Variants in TCF4 observed in about 807,000 individuals in gnomAD.
TCF4 encodes SL3-3 enhancer factor 2.
TCF4 carries 3 observed loss-of-function variants against 82.1 expected under a neutral mutation model. That is an observed-to-expected ratio of 0.04 (90% confidence interval 0.02 to 0.09). The LOEUF (loss-of-function observed/expected upper bound fraction) is 0.09, where lower values mean the gene tolerates loss of function less well. Ranked by LOEUF, TCF4 falls within the 10% of genes least tolerant of loss-of-function variation. TCF4 has a pLI of 1.00. For missense variants in TCF4, 518 were observed against 852.7 expected, an observed-to-expected ratio of 0.61 and a Z score of 4.89; for synonymous variants, 276 against 309.6, an observed-to-expected ratio of 0.89 and a Z score of 1.14.
chr18:55,342,228 A>C (rs930496426), intron 8 of TCF4, among the ~76,000 whole-genome samples: 1 of 152,192 alleles, frequency 6.6e-6, no homozygotes, highest in African/African-American at 2.4e-5. Flanking sequence ...TAAAATAATT[A>C]CTGACTGCAG....
rs1377324957 is a variant in TCF4, at chr18:55,500,002, G to A, written c.146-35865C>T. 2.6e-5 allele frequency among the ~76,000 whole-genome samples: 4 copies of A among 152,232 alleles called. No individual in the cohort carries two copies. The East Asian group carries it at 7.7e-4, about 29-fold the overall frequency. ...GTTTGAGACCAGCCTGGCCAACATGGTGAAACCCCATCTCTACTAAAAATA... is the reference window on the plus strand; with the variant it reads ...GTTTGAGACCAGCCTGGCCAACATGATGAAACCCCATCTCTACTAAAAATA... On this transcript the variant is annotated intron_variant, in intron 3 of 19. Coordinates refer to ENST00000354452, the MANE Select transcript of TCF4 (RefSeq NM_001083962.2).
chr18:55,286,802 G>A (rs1043734222), intron 8 of TCF4, among the ~76,000 whole-genome samples: 3 of 152,224 alleles, frequency 2.0e-5, no homozygotes, highest in African/African-American at 4.8e-5. Context: ...CCTCCTTCAC[G>A]TCCAAGTGAT....
At chr18:55,572,362 T>C (rs2097481603) in intron 3 of TCF4, among the ~76,000 whole-genome samples, 1 of 152,174 alleles carries the variant, frequency 6.6e-6, no homozygotes, top group Admixed American at 6.5e-5. Flanking sequence ...GACTAACAAG[T>C]ATCCTGAGTT....
At chr18:55,351,226 C>T in intron 6 of TCF4, 1 of 522,056 alleles carries the variant, frequency 1.9e-6, no homozygotes, top group Non-Finnish European at 3.4e-6. Context: ...GTAGATGATT[C>T]CCTTTAAACA....
At position 55,635,383 on chromosome 18, in the gene TCF4, C is replaced by T. The variant is rs1367452514; in HGVS notation, c.195+320G>A. Among the ~76,000 whole-genome samples, 5 of 151,982 alleles carry T rather than the reference C, an allele frequency of 3.3e-5. No homozygotes were observed. In the South Asian group the frequency reaches 1.0e-3, roughly 32 times the overall value. ...AGTTAGCCGGGCATTGTGGTGCATGCCTGTAATCTCAGCTACTTGGGAGGC... is the reference window on the plus strand; with the variant it reads ...AGTTAGCCGGGCATTGTGGTGCATGTCTGTAATCTCAGCTACTTGGGAGGC... On this transcript the variant is annotated intron_variant, in intron 1 of 20. Transcript: ENST00000398339.
intron 8 of TCF4, among the ~76,000 whole-genome samples, chr18:55,334,324 TAA>T (rs1008839787): frequency 1.3e-5 from 2 of 152,148 alleles, no homozygotes; most frequent in African/African-American, 2.4e-5. Flanking sequence ...AAATAACATA[TAA>T]GTCTTGTATT....
chr18:55,487,564 A>ATT (rs1476442228), intron 3 of TCF4, among the ~76,000 whole-genome samples: 1 of 152,232 alleles, frequency 6.6e-6, no homozygotes, highest in Non-Finnish European at 1.5e-5. Context: ...ATAATCATCA[A>ATT]TAACTAAAAG....
At chr18:55,318,291 T>C (rs974355074) in intron 8 of TCF4, among the ~76,000 whole-genome samples, 7 of 152,196 alleles carry the variant, frequency 4.6e-5, no homozygotes, top group South Asian at 2.1e-4. Flanking sequence ...ACTACACTTA[T>C]TGGAGAGCAG....
intron 3 of TCF4, among the ~76,000 whole-genome samples, chr18:55,498,392 A>G (rs532262562): frequency 7.4e-4 from 113 of 152,312 alleles, no homozygotes; most frequent in African/African-American, 2.7e-3. Flanking sequence ...GGTTTCTGCC[A>G]TACCAGAGTA....
At chr18:55,532,750 T>C (rs1490469379) in intron 3 of TCF4, among the ~76,000 whole-genome samples, 1 of 152,172 alleles carries the variant, frequency 6.6e-6, no homozygotes, top group African/African-American at 2.4e-5. Flanking sequence ...CCTGTCCCTT[T>C]ACTCTTCGAA....
At chr18:55,541,981 G>A (rs1235842962) in intron 3 of TCF4, among the ~76,000 whole-genome samples, 3 of 151,872 alleles carry the variant, frequency 2.0e-5, no homozygotes, top group Admixed American at 6.6e-5. Flanking sequence ...GGAGAAACCC[G>A]GAATACATTT....
intron 2 of TCF4, among the ~76,000 whole-genome samples, chr18:55,621,572 T>A (rs1437965655): frequency 3.0e-5 from 3 of 99,898 alleles, no homozygotes; most frequent in Non-Finnish European, 5.4e-5. Flanking sequence ...TATATAATAT[T>A]ATATAATATA....
At chr18:55,549,587 T>A (rs2097240682) in intron 3 of TCF4, among the ~76,000 whole-genome samples, 1 of 152,188 alleles carries the variant, frequency 6.6e-6, no homozygotes, top group Non-Finnish European at 1.5e-5. Flanking sequence ...TCAATATCAG[T>A]CTTCCACACC....
intron 3 of TCF4, among the ~76,000 whole-genome samples, chr18:55,481,576 A>G (rs2096432910): frequency 6.6e-6 from 1 of 152,230 alleles, no homozygotes; most frequent in Non-Finnish European, 1.5e-5. Flanking sequence ...TTTTCTCAGT[A>G]TATCGAAAAG....
chr18:55,526,468 A>C (rs531849605), intron 3 of TCF4, among the ~76,000 whole-genome samples: 1 of 152,206 alleles, frequency 6.6e-6, no homozygotes, highest in Non-Finnish European at 1.5e-5. Context: ...CTAAGAGTAC[A>C]TAGATAACAA....
intron 15 of TCF4, among the ~76,000 whole-genome samples, chr18:55,241,753 A>G (rs2051306097): frequency 6.6e-6 from 1 of 152,228 alleles, no homozygotes; most frequent in Admixed American, 6.5e-5. Flanking sequence ...GTAGAAGTAT[A>G]AAGAAGCTCA....
intron 1 of TCF4, among the ~76,000 whole-genome samples, chr18:55,632,108 G>A (rs1004853822): frequency 5.3e-5 from 8 of 152,024 alleles, no homozygotes; most frequent in African/African-American, 9.7e-5. Flanking sequence ...GCACGATCTC[G>A]GCTTGCTGCA....
At chr18:55,436,811 C>T (rs552301825) in intron 5 of TCF4, among the ~76,000 whole-genome samples, 14 of 152,306 alleles carry the variant, frequency 9.2e-5, no homozygotes, top group Non-Finnish European at 1.5e-4. Flanking sequence ...TTATTATCCA[C>T]GTCACTATTT....
intron 11 of TCF4, among the ~76,000 whole-genome samples, chr18:55,262,243 AG>A (rs1045381133): frequency 2.0e-5 from 3 of 152,338 alleles, no homozygotes; most frequent in African/African-American, 7.2e-5. Flanking sequence ...ACAAAAGAGA[AG>A]AACAAAGAGT....
Sources: gnomAD v4.1 joint callset for allele counts (sites outside exome capture counted in the v4.1 genomes callset) on GRCh38, gnomAD v4.1.1 for gene constraint, MANE v1.5 for transcripts, NCBI Gene and HGNC (gene_info 2026-07-23, HGNC 2026-07-21) for gene names.